The following ADAM22 variants were observed in gnomAD, a reference collection of about 807,000 sequenced individuals.
ADAM22 encodes ADAM metallopeptidase domain 22.
In ADAM22, 65 loss-of-function variants were observed where a neutral mutation model predicts 144.6. The observed-to-expected ratio is 0.45, with a 90% CI of 0.37 to 0.55. The LOEUF is 0.55. Ranked by LOEUF, ADAM22 falls within the 20% of genes least tolerant of loss-of-function variation. The pLI is 0.00. For synonymous variants in ADAM22, 391 were observed against 412.6 expected (o/e 0.95, Z 0.63); for missense variants, 974 against 1,184.9 (o/e 0.82, Z 2.61).
intron 5 of ADAM22, among the ~76,000 whole-genome samples, chr7:88,110,990 C>T: frequency 6.8e-6 from 1 of 147,696 alleles, no homozygotes; most frequent in Admixed American, 6.8e-5. Flanking sequence ...ATCCGCCCAC[C>T]TCAGCCTCCC....
At chr7:88,047,902 C>CAT (rs1297914228) in intron 3 of ADAM22, among the ~76,000 whole-genome samples, 5 of 151,498 alleles carry the variant, frequency 3.3e-5, no homozygotes, top group African/African-American at 2.4e-5. Flanking sequence ...TTCACATATA[C>CAT]ATATATATAA....
chr7:87,964,995 T>G (rs1437313122), intron 2 of ADAM22, among the ~76,000 whole-genome samples: 1 of 152,234 alleles, frequency 6.6e-6, no homozygotes, highest in African/African-American at 2.4e-5. Context: ...TCTCTCTTTC[T>G]TTCTCTTACA....
Position 88,082,197 on chromosome 7 carries a change from T to C in ADAM22, c.390+6505T>C, listed in dbSNP as rs561153841. Reference sequence around the variant, plus strand: ...AAATAACGCCGCATATCTACAACTATCTGATCTTTGACAAACCTGAGAAAA... The same window carrying C: ...AAATAACGCCGCATATCTACAACTACCTGATCTTTGACAAACCTGAGAAAA... On this transcript the variant is annotated intron_variant, in intron 4 of 31. Transcript: ENST00000413139. 4.3e-3 allele frequency among the ~76,000 whole-genome samples: 662 copies of C among 152,274 alleles called. 3 individuals carry two copies. The highest frequency in any genetic ancestry group is 0.015 in the African/African-American group (643 of 41,564).
Position 88,199,967 on chromosome 7 carries a change from C to T in ADAM22, c.*3476C>T, listed in dbSNP as rs1445268176. ...TATTCTCTGCACTTTCAGAGAAGGA[C>T]TATTTATGTTTGAATTTCATAACAG... On this transcript the variant is annotated 3_prime_UTR_variant, in exon 32 of 32. Transcript: ENST00000413139. The T allele has an allele frequency of 6.6e-6, 1 of 152,178 alleles. No homozygotes were observed. The highest frequency in any genetic ancestry group is 6.5e-5 in the Admixed American group (1 of 15,270). The allele number at this position is 152,178 out of a possible 1,614,324, so 9.4% of individuals were successfully genotyped here. A position where few individuals can be genotyped will look rare whatever the true frequency, so the allele number is the denominator to read the frequency against.
At chr7:88,089,123 A>G (rs960931872) in intron 4 of ADAM22, among the ~76,000 whole-genome samples, 1 of 151,622 alleles carries the variant, frequency 6.6e-6, no homozygotes, top group African/African-American at 2.4e-5. Context: ...TATTTATTGC[A>G]ACAGAAAAGA....
rs927122223 is a variant in ADAM22 at position 88,202,466 on chromosome 7, G to A, written c.*5975G>A. ...CAGGTGATGTGCATCTATAGATAGT[G>A]GAAGCCACCCCATGAGGAGGTGTTA... On this transcript the variant is annotated 3_prime_UTR_variant, in exon 32 of 32. Coordinates refer to ENST00000413139, the MANE Select transcript of ADAM22 (RefSeq NM_001324418.2). The A allele has an allele frequency of 6.6e-6, 1 of 152,156 alleles. No individual in the cohort carries two copies. The highest frequency in any genetic ancestry group is 2.4e-5 in the African/African-American group (1 of 41,438). The allele number at this position is 152,156 out of a possible 1,614,324, so 9.4% of individuals were successfully genotyped here.
At chr7:87,998,664 C>A (rs1791815108) in intron 3 of ADAM22, among the ~76,000 whole-genome samples, 1 of 152,180 alleles carries the variant, frequency 6.6e-6, no homozygotes, top group Non-Finnish European at 1.5e-5. Flanking sequence ...GCTGGGATTA[C>A]AGGTGTGAGC....
intron 3 of ADAM22, among the ~76,000 whole-genome samples, chr7:88,070,508 G>GT (rs1812448893): frequency 6.6e-6 from 1 of 152,168 alleles, no homozygotes. Flanking sequence ...CTCTGAGGCT[G>GT]TTTCTTTGAA....
In ADAM22 at chr7:88,148,925, A is replaced by G. The variant is rs1837448807; in HGVS notation, c.1486-52A>G. ...TTTTGTTTTTTTTAGATGATATTGT[A>G]AGATTTTTTTTTCTCCCTACAGTTT... On this transcript the variant is annotated intron_variant, in intron 17 of 31. Coordinates refer to ENST00000413139, the MANE Select transcript of ADAM22 (RefSeq NM_001324418.2). The G allele has an allele frequency of 2.9e-6, 4 of 1,372,484 alleles. No homozygotes were observed. In the South Asian group the frequency reaches 3.9e-5, roughly 13 times the overall value. The allele number at this position is 1,372,484 out of a possible 1,614,324, so 85.0% of individuals were successfully genotyped here.
intron 18 of ADAM22, among the ~76,000 whole-genome samples, chr7:88,149,958 T>G (rs1397458467): frequency 2.6e-5 from 4 of 152,230 alleles, no homozygotes; most frequent in Non-Finnish European, 5.9e-5. Context: ...TAAGTTTGGA[T>G]CAGCTTTCAA....
chr7:87,993,479 C>T (rs1339179619), intron 3 of ADAM22, among the ~76,000 whole-genome samples: 2 of 152,096 alleles, frequency 1.3e-5, no homozygotes, highest in Non-Finnish European at 2.9e-5. Flanking sequence ...ACAATAATAG[C>T]CCTGGGCACA....
chr7:88,122,687 A>G (rs112298989), intron 7 of ADAM22, among the ~76,000 whole-genome samples: 7 of 152,134 alleles, frequency 4.6e-5, no homozygotes, highest in African/African-American at 7.2e-5. Flanking sequence ...TATCTGCCCT[A>G]TGTAGTCCCA....
intron 3 of ADAM22, among the ~76,000 whole-genome samples, chr7:88,009,545 T>C (rs76688157): frequency 0.03 from 4,520 of 152,266 alleles, 227 homozygotes; most frequent in African/African-American, 0.1. Context: ...GAAATGCCTT[T>C]TAAAATCATA....
chr7:88,181,668 G>T lies in ADAM22; in HGVS notation c.2596+63G>T, dbSNP rs540543979. 9 of 1,397,712 alleles carry T rather than the reference G, an allele frequency of 6.4e-6. No individual in the cohort carries two copies. The South Asian group carries it at 1.1e-4, about 17-fold the overall frequency. The allele number at this position is 1,397,712 out of a possible 1,614,324, so 86.6% of individuals were successfully genotyped here. ...TCAAGTTCTATATTCTGTGGCCCCT[G>T]GTTGTAAAGACTTTTATTTCTTTGA... On this transcript the variant is annotated intron_variant, in intron 28 of 31. Coordinates refer to ENST00000413139, the MANE Select transcript of ADAM22 (RefSeq NM_001324418.2).
chr7:88,025,341 G>A (rs187757980), intron 3 of ADAM22, among the ~76,000 whole-genome samples: 2 of 152,134 alleles, frequency 1.3e-5, no homozygotes, highest in Non-Finnish European at 2.9e-5. Flanking sequence ...TCACTTTGTT[G>A]ATTGTTTTCT....
chr7:88,008,682 T>C (rs1461076614), intron 3 of ADAM22, among the ~76,000 whole-genome samples: 1 of 151,534 alleles, frequency 6.6e-6, no homozygotes, highest in Non-Finnish European at 1.5e-5. Context: ...TTCTCACTCA[T>C]AGATGGGAAT....
chr7:88,071,334 A>T (rs958306584), intron 3 of ADAM22, among the ~76,000 whole-genome samples: 2 of 151,094 alleles, frequency 1.3e-5, no homozygotes, highest in Non-Finnish European at 3.0e-5. Context: ...TGAAATCAGG[A>T]TATGGGATGC....
At chr7:88,177,247 A>T (rs1021941636) in intron 26 of ADAM22, among the ~76,000 whole-genome samples, 1 of 152,134 alleles carries the variant, frequency 6.6e-6, no homozygotes, top group Non-Finnish European at 1.5e-5. Flanking sequence ...CAAGGCAAAA[A>T]CTAGAACTCT....
At chr7:88,128,410 A>G (rs2129496346) in intron 8 of ADAM22, among the ~76,000 whole-genome samples, 192 bp from the exon 9 acceptor site, 2 of 152,116 alleles carry the variant, frequency 1.3e-5, no homozygotes, top group South Asian at 4.1e-4. Flanking sequence ...GCCCTTTTAT[A>G]CTTTTTAAAT....
Sources: gnomAD v4.1 joint callset for allele counts (sites outside exome capture counted in the v4.1 genomes callset) on GRCh38, gnomAD v4.1.1 for gene constraint, MANE v1.5 for transcripts, NCBI Gene and HGNC (gene_info 2026-07-23, HGNC 2026-07-21) for gene names.